The following VPS13C variants were observed in gnomAD, a reference collection of about 807,000 sequenced individuals.
VPS13C encodes intermembrane lipid transfer protein VPS13C.
Under a neutral mutation model 456.8 loss-of-function variants are expected in VPS13C, and 358 were observed. That is an observed-to-expected ratio of 0.78 (90% CI 0.72 to 0.86). VPS13C has a LOEUF of 0.86. VPS13C is among the 40% of genes least tolerant of loss of function. The pLI, the probability that VPS13C is intolerant of heterozygous loss-of-function variation, is 0.00. For synonymous variants in VPS13C, 1,578 were observed against 1,486.7 expected, an observed-to-expected ratio of 1.06 and a Z score of -1.41; for missense variants, 4,818 against 4,385.4, an observed-to-expected ratio of 1.10 and a Z score of -2.79.
intron 38 of VPS13C, 53 bp from the exon 39 acceptor site, chr15:61,952,033 GGTAA>G: frequency 6.4e-7 from 1 of 1,567,932 alleles, no homozygotes; most frequent in East Asian, 2.3e-5. Context: ...ATGCAATGAA[GGTAA>G]GTCAAGAATT....
At position 61,856,348 on chromosome 15, in the gene VPS13C, G is replaced by C; in HGVS notation, c.11014C>G (p.Pro3672Ala). 6.2e-7 allele frequency: 1 copy of C among 1,613,124 alleles called. No individual in the cohort carries two copies. The highest frequency in any genetic ancestry group is 1.1e-5 in the South Asian group (1 of 90,978). ...LGLMCVDWQCPFEDFVFPPSV... is the reference protein window; with the variant it reads ...LGLMCVDWQCAFEDFVFPPSV... ...GGAGGAAATACAAAATCTTCAAATG[G>C]ACATTGCCAGTCTACACACATAAGG... is the stretch of plus-strand genomic sequence containing the variant. The change falls in exon 83 of 85, where the codon CCA (proline) becomes GCA (alanine). Residue 3672 changes from proline to alanine, a missense_variant. Pro to Ala is a conservative substitution (Grantham distance 27). Around this residue, in one of 3 missense-constraint regions of VPS13C, gnomAD observed 261 missense variants for 234.1 expected, o/e 1.11. Coordinates refer to ENST00000644861, the MANE Select transcript of VPS13C (RefSeq NM_020821.3).
At chr15:61,856,663 T>C (rs1408750033) in intron 82 of VPS13C, 5 of 267,836 alleles carry the variant, frequency 1.9e-5, no homozygotes, top group Non-Finnish European at 3.5e-5. Context: ...CAGAAAAGTG[T>C]AACTTTTTTT....
At chr15:61,903,199 T>C (rs2043055655) in intron 66 of VPS13C, among the ~76,000 whole-genome samples, 1 of 151,696 alleles carries the variant, frequency 6.6e-6, no homozygotes, top group Non-Finnish European at 1.5e-5. Context: ...AACGCTGGGC[T>C]TGGTGGTACA....
At chr15:61,954,607 A>G in intron 37 of VPS13C, 53 bp from the exon 38 acceptor site, 2 of 1,512,360 alleles carry the variant, frequency 1.3e-6, no homozygotes, top group East Asian at 2.3e-5. Flanking sequence ...TCTTCCACAA[A>G]TATTTATTGT....
chr15:61,984,110 C>G (rs2045966061), intron 19 of VPS13C, 98 bp from the exon 20 acceptor site: 7 of 1,084,756 alleles, frequency 6.5e-6, no homozygotes, highest in Non-Finnish European at 9.2e-6. Flanking sequence ...CTTTGAGAAC[C>G]AGGACCATCC....
chr15:62,004,362 TG>T (rs1215042606), intron 15 of VPS13C, among the ~76,000 whole-genome samples: 1 of 152,134 alleles, frequency 6.6e-6, no homozygotes, highest in African/African-American at 2.4e-5. Flanking sequence ...GGATCGGTGG[TG>T]ATATCCCCTT....
chr15:62,031,003 T>C (rs935560384), intron 5 of VPS13C, among the ~76,000 whole-genome samples: 7 of 152,104 alleles, frequency 4.6e-5, no homozygotes, highest in Admixed American at 4.6e-4. Context: ...TTGGCCTTAC[T>C]AGGAATTTAA....
chr15:61,950,492 T>C (rs1429023801), intron 40 of VPS13C, 75 bp from the exon 41 acceptor site: 1 of 1,150,724 alleles, frequency 8.7e-7, no homozygotes, highest in African/African-American at 1.6e-5. Context: ...ACATATTCTT[T>C]ACTTTTCTAA....
intron 2 of VPS13C, among the ~76,000 whole-genome samples, chr15:62,043,831 T>G (rs947014254): frequency 2.0e-5 from 3 of 152,152 alleles, no homozygotes; most frequent in Non-Finnish European, 4.4e-5. Flanking sequence ...CTCTTAATAT[T>G]ACTATAATAA....
intron 8 of VPS13C, among the ~76,000 whole-genome samples, chr15:62,022,395 C>T (rs1255269471): frequency 1.3e-5 from 2 of 151,842 alleles, no homozygotes; most frequent in Admixed American, 1.3e-4. Context: ...CAACATTGTA[C>T]CCAGGTTCAC....
intron 66 of VPS13C, among the ~76,000 whole-genome samples, chr15:61,895,423 T>C (rs2042777859): frequency 6.6e-6 from 1 of 151,966 alleles, no homozygotes; most frequent in Non-Finnish European, 1.5e-5. Flanking sequence ...CAAAAAGTTT[T>C]TTGAAAAGAT....
chr15:61,924,588 T>C (rs939172740), intron 53 of VPS13C, among the ~76,000 whole-genome samples: 14 of 152,358 alleles, frequency 9.2e-5, no homozygotes, highest in Non-Finnish European at 1.5e-4. Context: ...CTTTAAAATA[T>C]GCAAATTCGA....
intron 36 of VPS13C, 30 bp from the exon 37 acceptor site, chr15:61,958,746 A>C (rs764489410): frequency 5.0e-6 from 6 of 1,196,538 alleles, no homozygotes; most frequent in Non-Finnish European, 5.8e-6. Flanking sequence ...AAAAAAAACT[A>C]TATTACGTTT....
intron 79 of VPS13C, among the ~76,000 whole-genome samples, chr15:61,870,040 A>T (rs1198288120): frequency 2.0e-5 from 3 of 152,204 alleles, no homozygotes; most frequent in Non-Finnish European, 4.4e-5. Context: ...CTTTTAAAAA[A>T]ATATATAACA....
chr15:62,023,128 T>G (rs149197341), intron 8 of VPS13C, among the ~76,000 whole-genome samples: 2 of 152,030 alleles, frequency 1.3e-5, no homozygotes, highest in East Asian at 3.9e-4. Context: ...AGTTATAATA[T>G]TATGTCTTAA....
At chr15:61,981,972 T>A (rs2045902230) in intron 21 of VPS13C, among the ~76,000 whole-genome samples, 1 of 151,978 alleles carries the variant, frequency 6.6e-6, no homozygotes. Context: ...GAAAACTGCA[T>A]ATAGTCAATG....
In VPS13C at chr15:61,978,675, G is replaced by A. The variant is rs373524570; in HGVS notation, c.2241C>T (p.Asp747=). Residue 747 remains aspartate (D), a synonymous_variant, in exon 23 of 85, where the codon GAC becomes GAT. Coordinates refer to ENST00000644861, the MANE Select transcript of VPS13C (RefSeq NM_020821.3). The part of the protein sequence containing the change: ...SLEEIMDKAY[D]KFDVEIKNVQ... Reference sequence around the variant, plus strand: ...CATTTTTTATTTCAACATCAAACTTGTCATATGCCTTATCCATTATTTCTT... The same window carrying A: ...CATTTTTTATTTCAACATCAAACTTATCATATGCCTTATCCATTATTTCTT... The A allele has an allele frequency of 8.1e-6, 13 of 1,612,742 alleles. No individual in the cohort carries two copies. The African/African-American group carries it at 1.3e-4, about 17-fold the overall frequency.
intron 1 of VPS13C, among the ~76,000 whole-genome samples, chr15:62,045,366 G>T (rs2048366063): frequency 6.6e-6 from 1 of 152,098 alleles, no homozygotes; most frequent in South Asian, 2.1e-4. Flanking sequence ...TACACAAGAT[G>T]AAAAGGAGGA....
intron 66 of VPS13C, among the ~76,000 whole-genome samples, chr15:61,903,974 A>C (rs2043080566): frequency 1.3e-5 from 2 of 152,186 alleles, no homozygotes; most frequent in South Asian, 4.1e-4. Flanking sequence ...CCATATGCAA[A>C]AATGAAACCG....
Sources: allele counts gnomAD v4.1 joint callset (sites outside exome capture counted in the v4.1 genomes callset), GRCh38; gene constraint gnomAD v4.1.1; regional missense constraint gnomAD v4.1.1; transcripts MANE v1.5; gene names NCBI Gene and HGNC (gene_info 2026-07-23, HGNC 2026-07-21).